Variants in PSAT1 observed in about 807,000 individuals in gnomAD.
PSAT1 encodes phosphoserine aminotransferase 1.
Under a neutral mutation model 40.3 loss-of-function variants are expected in PSAT1, and 41 were observed. The observed-to-expected ratio is 1.02, with a 90% confidence interval of 0.79 to 1.32. PSAT1 has a LOEUF of 1.32. Ranked by LOEUF, PSAT1 falls within the 40% of genes most tolerant of loss-of-function variation. The pLI, the probability that PSAT1 is intolerant of heterozygous loss-of-function variation, is 0.00. For synonymous variants in PSAT1, 147 were observed against 170.5 expected (o/e 0.86, Z 1.07); for missense variants, 406 against 455.8 (o/e 0.89, Z 0.99).
chr9:78,299,771 A>T (rs1299023229), intron 1 of PSAT1, among the ~76,000 whole-genome samples: 1 of 152,064 alleles, frequency 6.6e-6, no homozygotes, highest in Non-Finnish European at 1.5e-5. Flanking sequence ...TTGGCCTCCC[A>T]AAGTGCTGGG....
Position 78,306,411 on chromosome 9 carries a change from A to G in PSAT1, c.495A>G (p.Ile165Met), listed in dbSNP as rs1828184401. Residue 165 changes from isoleucine (I) to methionine (M), a missense_variant, in exon 5 of 9, where the codon ATA (isoleucine) becomes ATG (methionine). Ile to Met is a conservative substitution (Grantham distance 10). Coordinates refer to ENST00000376588, the MANE Select transcript of PSAT1 (RefSeq NM_058179.4). ...ETVHGVEFDF[I>M]PDVKGAVLVC... is the part of the protein sequence containing the mutation. ...TGCATGGTGTGGAGTTTGACTTTAT[A>G]CCCGATGTCAAGGGAGCAGTACTGG... 24 of 1,614,030 alleles carry G rather than the reference A, an allele frequency of 1.5e-5. No homozygotes were observed. The South Asian group carries it at 2.4e-4, about 16-fold the overall frequency.
chr9:78,323,495 G>A (rs1219038099), intron 7 of PSAT1, among the ~76,000 whole-genome samples: 2 of 152,042 alleles, frequency 1.3e-5, no homozygotes, highest in Admixed American at 6.5e-5. Context: ...CGGGAGGATC[G>A]CTTGATCCCA....
intron 4 of PSAT1, 147 bp from the exon 5 acceptor site, chr9:78,306,167 G>A: frequency 1.2e-6 from 1 of 843,618 alleles, no homozygotes; most frequent in South Asian, 1.4e-5. Flanking sequence ...GATGAGGCTG[G>A]GAGGTTGCTT....
In PSAT1 at chr9:78,313,863, T is replaced by C. The variant is rs555619434; in HGVS notation, c.741-3813T>C. On this transcript the variant is annotated intron_variant, in intron 6 of 8. Coordinates refer to ENST00000376588, the MANE Select transcript of PSAT1 (RefSeq NM_058179.4). ...GGTCTCAATATGTTGTCCAGGCTGGTCTCAAACTCCTGGCCTCAAGCTGTC... is the reference window on the plus strand; with the variant it reads ...GGTCTCAATATGTTGTCCAGGCTGGCCTCAAACTCCTGGCCTCAAGCTGTC... 1.6e-3 allele frequency among the ~76,000 whole-genome samples: 250 copies of C among 152,220 alleles called. 2 individuals carry two copies. The highest frequency in any genetic ancestry group is 5.8e-3 in the African/African-American group (241 of 41,526).
intron 5 of PSAT1, among the ~76,000 whole-genome samples, chr9:78,307,353 C>T (rs1828199425): frequency 6.6e-6 from 1 of 152,240 alleles, no homozygotes; most frequent in Non-Finnish European, 1.5e-5. Context: ...TTCTATTGCA[C>T]TTAGCAGAAT....
At chr9:78,310,222 G>A (rs1391869806) in intron 6 of PSAT1, among the ~76,000 whole-genome samples, 1 of 152,168 alleles carries the variant, frequency 6.6e-6, no homozygotes, top group Non-Finnish European at 1.5e-5. Context: ...CCAGTGTTAT[G>A]ATCATGATTC....
chr9:78,317,006 T>G (rs558922506), intron 6 of PSAT1, among the ~76,000 whole-genome samples: 8 of 150,416 alleles, frequency 5.3e-5, no homozygotes, highest in Non-Finnish European at 1.2e-4. Context: ...GAGCTCGCTC[T>G]GGGTAGGGGT....
At chr9:78,318,128 GA>G (rs1011858089) in intron 7 of PSAT1, among the ~76,000 whole-genome samples, 1 of 152,056 alleles carries the variant, frequency 6.6e-6, no homozygotes, top group Non-Finnish European at 1.5e-5. Context: ...TATCTTCTGG[GA>G]AAAAAACAAA....
At chr9:78,299,856 G>A (rs1317416231) in intron 1 of PSAT1, among the ~76,000 whole-genome samples, 1 of 152,018 alleles carries the variant, frequency 6.6e-6, no homozygotes, top group African/African-American at 2.4e-5. Context: ...GAGACAAGTT[G>A]CAATCCAGTT....
intron 6 of PSAT1, among the ~76,000 whole-genome samples, chr9:78,310,705 G>C (rs1039515664): frequency 4.0e-5 from 6 of 151,754 alleles, no homozygotes; most frequent in African/African-American, 1.5e-4. Flanking sequence ...CCGCCTCCCG[G>C]GTTCAAGCAA....
rs144411190 is a variant in PSAT1 at position 78,299,630 on chromosome 9, C to T, written c.61-972C>T. On this transcript the variant is annotated intron_variant, in intron 1 of 8. Coordinates refer to ENST00000376588, the MANE Select transcript of PSAT1 (RefSeq NM_058179.4). ...CGGGTTCCAGCGATTCTTCTGCCTC[C>T]GCCTCCTGAGTAACTGGGATTACAG... Among the ~76,000 whole-genome samples, 861 of 150,306 alleles carry T rather than the reference C, an allele frequency of 5.7e-3. 8 individuals are homozygous for T. Among genetic ancestry groups the T allele is most frequent in the African/African-American group, 0.02 (821 of 40,448 alleles).
intron 3 of PSAT1, among the ~76,000 whole-genome samples, chr9:78,304,022 G>A (rs1318069115): frequency 6.6e-6 from 1 of 152,114 alleles, no homozygotes; most frequent in Non-Finnish European, 1.5e-5. Context: ...GATTTCATGG[G>A]TAGGCCTAAA....
At chr9:78,315,320 A>T (rs560573420) in intron 6 of PSAT1, among the ~76,000 whole-genome samples, 1 of 152,294 alleles carries the variant, frequency 6.6e-6, no homozygotes, top group Middle Eastern at 3.4e-3. Flanking sequence ...ACTTGAGGCA[A>T]AGTTAACCTC....
At position 78,299,496 on chromosome 9, in the gene PSAT1, C is replaced by CTTTTTTTTAAATCTAATTCTTTTT. The variant is rs1554685641; in HGVS notation, c.61-1096_61-1095insATCTAATTCTTTTTTTTTTTTTAA. Among the ~76,000 whole-genome samples, 40 of 142,592 alleles carry CTTTTTTTTAAATCTAATTCTTTTT rather than the reference C, an allele frequency of 2.8e-4. 1 individual carries two copies. The highest frequency in any genetic ancestry group is 8.9e-4 in the South Asian group (4 of 4,510). 93.5% of individuals were successfully genotyped at this position (142,592 alleles called of 152,430 possible). ...TCTTAGACCCAGTCGTCAAGGCAGT[C>CTTTTTTTTAAATCTAATTCTTTTT]TTTTTTTTAATCTAATTCTTTTTTT... On this transcript the variant is annotated intron_variant, in intron 1 of 8. Transcript: ENST00000376588.
chr9:78,326,589 A>G (rs559265365), intron 7 of PSAT1, among the ~76,000 whole-genome samples: 38 of 152,326 alleles, frequency 2.5e-4, no homozygotes, highest in South Asian at 2.5e-3. Flanking sequence ...TTTTAAAAAG[A>G]TAGATGTATT....
chr9:78,306,555 C>G (rs1828187467), intron 5 of PSAT1, 69 bp downstream of exon 5: 2 of 1,586,850 alleles, frequency 1.3e-6, no homozygotes, highest in Admixed American at 3.3e-5. Flanking sequence ...TTAATATATA[C>G]AAGAGCGGGA....
chr9:78,299,119 GAT>G (rs1251342798), intron 1 of PSAT1, among the ~76,000 whole-genome samples: 2 of 121,784 alleles, frequency 1.6e-5, no homozygotes, highest in Non-Finnish European at 3.2e-5. Flanking sequence ...CAGGCTGGGT[GAT>G]AGAGCAAGAC....
intron 5 of PSAT1, among the ~76,000 whole-genome samples, chr9:78,307,023 T>C (rs897909748): frequency 6.6e-6 from 1 of 152,250 alleles, no homozygotes; most frequent in African/African-American, 2.4e-5. Context: ...TTAATTGGGA[T>C]AAAATATAAC....
At chr9:78,305,691 C>T (rs1828171389) in intron 4 of PSAT1, among the ~76,000 whole-genome samples, 1 of 152,136 alleles carries the variant, frequency 6.6e-6, no homozygotes, top group African/African-American at 2.4e-5. Flanking sequence ...CTGAATCAGT[C>T]CCTGTGGCCA....
Sources: allele counts gnomAD v4.1 joint callset (sites outside exome capture counted in the v4.1 genomes callset), GRCh38; gene constraint gnomAD v4.1.1; transcripts MANE v1.5; gene names NCBI Gene and HGNC (gene_info 2026-07-23, HGNC 2026-07-21).